Variants in UGGT1 observed in about 807,000 individuals in gnomAD.
UGGT1 encodes UDP-glucose:glycoprotein glucosyltransferase 1.
Under a neutral mutation model 203.9 loss-of-function variants are expected in UGGT1, and 107 were observed. The ratio of observed to expected loss-of-function variants is 0.52; its 90% CI spans 0.45 to 0.62. The LOEUF is 0.62. Ranked by LOEUF, UGGT1 falls within the 20% of genes least tolerant of loss-of-function variation. UGGT1 has a pLI of 0.00. For synonymous variants in UGGT1, 628 were observed against 653.5 expected (o/e 0.96, Z 0.59); for missense variants, 1,673 against 1,867.2 (o/e 0.90, Z 1.92).
chr2:128,155,897 G>A lies in UGGT1; in HGVS notation c.2236+310G>A, dbSNP rs569155006. ...GAAAAACATTTGTGATGTAAAAATG[G>A]GTTAATGAATTAAAAATGACTGTAC... On this transcript the variant is annotated intron_variant, in intron 20 of 40. Transcript: ENST00000259253. Among the ~76,000 whole-genome samples the A allele has an allele frequency of 5.9e-5, 9 of 152,232 alleles. No individual in the cohort carries two copies. The East Asian group carries it at 1.2e-3, about 20-fold the overall frequency.
At chr2:128,169,410 T>G (rs1690977524) in intron 26 of UGGT1, among the ~76,000 whole-genome samples, 1 of 152,230 alleles carries the variant, frequency 6.6e-6, no homozygotes, top group Non-Finnish European at 1.5e-5. Flanking sequence ...AAAATATCTA[T>G]CTATAACTTA....
chr2:128,185,467 GC>G (rs1313569876), intron 38 of UGGT1, among the ~76,000 whole-genome samples: 4 of 138,566 alleles, frequency 2.9e-5, no homozygotes, highest in African/African-American at 1.2e-4. Context: ...ACCGTGCCCG[GC>G]CTTTTTTTTT....
At position 128,143,097 on chromosome 2, in the gene UGGT1, T is replaced by C. The variant is rs1689517599; in HGVS notation, c.1723T>C (p.Tyr575His). 6.3e-7 allele frequency: 1 copy of C among 1,595,650 alleles called. No individual in the cohort carries two copies. The highest frequency in any genetic ancestry group is 1.4e-5 in the African/African-American group (1 of 74,036). The change falls in exon 17 of 41, where the codon TAT becomes CAT. Residue 575 changes from tyrosine to histidine, a missense_variant. Tyr to His is a moderately conservative substitution (Grantham distance 83, BLOSUM62 2). Transcript: ENST00000259253. ...YHAFQTLTHI[Y>H]NKVRTGEKVK... ...CAACTGTTTTTTCTTTCTTCAGATC[T>C]ATAACAAGGTGAGGACTGGAGAAAA...
intron 26 of UGGT1, among the ~76,000 whole-genome samples, chr2:128,170,064 C>A (rs1474612272): frequency 2.0e-5 from 3 of 152,196 alleles, no homozygotes; most frequent in Non-Finnish European, 4.4e-5. Context: ...TTTCAAGCTG[C>A]TTTTCCTCTC....
At chr2:128,128,133 ATAT>A (rs1688689939) in intron 12 of UGGT1, among the ~76,000 whole-genome samples, 1 of 152,092 alleles carries the variant, frequency 6.6e-6, no homozygotes, top group South Asian at 2.1e-4. Flanking sequence ...CTGTCTACAT[ATAT>A]TATTTGAATA....
Position 128,112,586 on chromosome 2 carries a change from C to T in UGGT1, c.522-498C>T, listed in dbSNP as rs1457394018. ...GTTATTAATTGAGATTTATTTTATT[C>T]GTTTTTTTTTTTTTGAGACAGGGTC... On this transcript the variant is annotated intron_variant, in intron 5 of 40. Transcript: ENST00000259253. Among the ~76,000 whole-genome samples the T allele has an allele frequency of 5.2e-4, 20 of 38,138 alleles. 1 individual carries two copies. In the East Asian group the frequency reaches 0.012, roughly 22 times the overall value. The allele number at this position is 38,138 out of a possible 152,430, so 25.0% of individuals were successfully genotyped here.
At chr2:128,127,880 C>A (rs1234401080) in intron 12 of UGGT1, among the ~76,000 whole-genome samples, 4 of 152,126 alleles carry the variant, frequency 2.6e-5, no homozygotes. Flanking sequence ...TCAAGACCAG[C>A]CTGGCCAACA....
chr2:128,105,771 TC>T (rs1236032371), intron 3 of UGGT1, among the ~76,000 whole-genome samples: 4 of 151,962 alleles, frequency 2.6e-5, no homozygotes, highest in Admixed American at 1.3e-4. Flanking sequence ...CACCTCAGCC[TC>T]CCAAAGTGCT....
chr2:128,169,049 A>T (rs867250701), intron 26 of UGGT1, among the ~76,000 whole-genome samples: 2 of 3,836 alleles, frequency 5.2e-4, no homozygotes, highest in Admixed American at 1.4e-3. Context: ...CTCTGTCTTT[A>T]AAAAAAAAAA....
At chr2:128,183,990 G>A (rs534445487) in intron 38 of UGGT1, among the ~76,000 whole-genome samples, 6 of 151,942 alleles carry the variant, frequency 3.9e-5, no homozygotes, top group South Asian at 4.2e-4. Context: ...ACATATCAGC[G>A]TGAAAAATGT....
At chr2:128,136,540 A>G (rs1454824659) in intron 15 of UGGT1, among the ~76,000 whole-genome samples, 1 of 152,204 alleles carries the variant, frequency 6.6e-6, no homozygotes, top group Admixed American at 6.5e-5. Context: ...GTGGCTTGAT[A>G]GCTCATTTCT....
chr2:128,096,026 A>G (rs1687102841), intron 1 of UGGT1, among the ~76,000 whole-genome samples: 1 of 152,132 alleles, frequency 6.6e-6, no homozygotes, highest in African/African-American at 2.4e-5. Flanking sequence ...GGGAGGTCCG[A>G]TTAGGGTTCT....
intron 2 of UGGT1, among the ~76,000 whole-genome samples, chr2:128,099,857 A>C (rs1478694937): frequency 6.6e-6 from 1 of 152,164 alleles, no homozygotes; most frequent in Non-Finnish European, 1.5e-5. Flanking sequence ...AAAGCCCAAC[A>C]AAGCAAATAA....
Position 128,107,991 on chromosome 2 carries a change from T to C in UGGT1, c.331T>C (p.Ser111Pro), listed in dbSNP as rs200256105. 1.9e-5 allele frequency: 31 copies of C among 1,614,206 alleles called. 1 individual carries two copies. Among genetic ancestry groups the C allele is most frequent in the Non-Finnish European group, 2.4e-5 (28 of 1,180,026 alleles). ...AILEAAFQFL[S>P]PLQQNLFKFC... is the part of the protein sequence containing the mutation. ...ATTGGAGGCTGCATTTCAGTTTCTGTCACCCCTCCAGCAGAATTTGTTTAA... is the reference window on the plus strand; with the variant it reads ...ATTGGAGGCTGCATTTCAGTTTCTGCCACCCCTCCAGCAGAATTTGTTTAA... The change falls in exon 4 of 41, where the codon TCA becomes CCA. Residue 111 changes from serine to proline, a missense_variant. Transcript: ENST00000259253.
intron 31 of UGGT1, 63 bp from the exon 32 acceptor site, chr2:128,176,751 G>A (rs1691416264): frequency 2.1e-6 from 3 of 1,440,900 alleles, no homozygotes; most frequent in Non-Finnish European, 2.9e-6. Context: ...CAGATGCTCT[G>A]AGAGCATTTG....
At chr2:128,183,250 G>T (rs934659179) in intron 37 of UGGT1, among the ~76,000 whole-genome samples, 6 of 152,210 alleles carry the variant, frequency 3.9e-5, no homozygotes, top group Non-Finnish European at 7.3e-5. Context: ...CACTGCTGGG[G>T]TTTAGTGATG....
chr2:128,115,281 T>C lies in UGGT1; in HGVS notation c.793+61T>C, dbSNP rs1688046783. 9.0e-6 allele frequency: 13 copies of C among 1,438,044 alleles called. No homozygotes were observed. In the South Asian group the frequency reaches 1.1e-4, roughly 12 times the overall value. 89.1% of individuals were successfully genotyped at this position (1,438,044 alleles called of 1,614,324 possible). A position where few individuals can be genotyped will look rare whatever the true frequency, so the allele number is the denominator to read the frequency against. ...CAAATATGAGTTAAAGGGGAGTTTG[T>C]TTCCATATGAAAAATAATAGATTTA... On this transcript the variant is annotated intron_variant, in intron 7 of 40. Transcript: ENST00000259253.
At chr2:128,121,142 T>G (rs1688362898) in intron 9 of UGGT1, 57 bp from the exon 10 acceptor site, 1 of 1,554,778 alleles carries the variant, frequency 6.4e-7, no homozygotes, top group South Asian at 1.1e-5. Flanking sequence ...GATTTTGTTT[T>G]CTGCTTCTCA....
Position 128,143,075 on chromosome 2 carries a change from C to T in UGGT1, c.1720-19C>T. On this transcript the variant is annotated intron_variant, in intron 16 of 40. Coordinates refer to ENST00000259253, the MANE Select transcript of UGGT1 (RefSeq NM_020120.4). ...TGAACTTAAAAGTGTAGTTAACCAA[C>T]TGTTTTTTCTTTCTTCAGATCTATA... 1 of 1,565,812 alleles carries T rather than the reference C, an allele frequency of 6.4e-7. No individual in the cohort carries two copies. The highest frequency in any genetic ancestry group is 8.6e-7 in the Non-Finnish European group (1 of 1,158,792).
Sources: allele counts gnomAD v4.1 joint callset (sites outside exome capture counted in the v4.1 genomes callset), GRCh38; gene constraint gnomAD v4.1.1; transcripts MANE v1.5; gene names NCBI Gene and HGNC (gene_info 2026-07-23, HGNC 2026-07-21).